TJAP1: variants seen among roughly 807,000 people sequenced by gnomAD.
TJAP1 encodes the protein tight junction-associated protein 1.
Under a neutral mutation model 42.0 loss-of-function variants are expected in TJAP1, and 27 were observed. That is an observed-to-expected ratio of 0.64 (90% CI 0.47 to 0.89). The LOEUF is 0.89. TJAP1 is among the 40% of genes least tolerant of loss of function. The probability of loss-of-function intolerance (pLI) is 0.00; values close to 1 mark genes in which losing one functional copy is unlikely to be tolerated. For synonymous variants in TJAP1, 257 were observed against 288.4 expected (o/e 0.89, Z 1.10); for missense variants, 712 against 726.9 (o/e 0.98, Z 0.24).
At chr6:43,501,220 A>G in intron 5 of TJAP1, 1 of 405,634 alleles carries the variant, frequency 2.5e-6, no homozygotes. Context: ...CTGTAACCAG[A>G]GACAGGCTGG....
chr6:43,494,495 C>A (rs1407385602), intron 2 of TJAP1, among the ~76,000 whole-genome samples: 1 of 151,668 alleles, frequency 6.6e-6, no homozygotes, highest in East Asian at 1.9e-4. Context: ...TAACCTAGGC[C>A]TCAACCTTTC....
intron 4 of TJAP1, chr6:43,500,510 T>G: frequency 1.8e-6 from 1 of 559,538 alleles, no homozygotes; most frequent in Non-Finnish European, 3.2e-6. Context: ...AGGATTGGAT[T>G]AAGGGTGAAG....
Position 43,505,079 on chromosome 6 carries a change from TC to T in TJAP1, c.902del (p.Pro301ArgfsTer13). ...CCACTCTCTGGGTACTGCCAGGGGC[TC>T]CCCGGAGGAAGAGCTGCCCCTGCCA... On this transcript the variant is annotated frameshift_variant, in exon 11 of 11. Transcript: ENST00000372449. LOFTEE classifies it high-confidence loss of function. This position sits in a 1 kb window ranked among gnomAD's most constrained non-coding sequence, Gnocchi z 5.5. 1 of 1,613,718 alleles carries T rather than the reference TC, an allele frequency of 6.2e-7. No homozygotes were observed. Among genetic ancestry groups the T allele is most frequent in the Non-Finnish European group, 8.5e-7 (1 of 1,179,956 alleles).
intron 4 of TJAP1, 120 bp downstream of exon 4, chr6:43,499,220 G>A (rs1255142812): frequency 1.4e-6 from 2 of 1,475,982 alleles, no homozygotes; most frequent in Non-Finnish European, 1.8e-6. Flanking sequence ...GGGCCTTGCT[G>A]TTGCAGGCCT....
chr6:43,487,224 A>G (rs9462897), intron 2 of TJAP1, among the ~76,000 whole-genome samples: 12,821 of 152,202 alleles, frequency 0.084, 1,156 homozygotes, highest in African/African-American at 0.22. Context: ...GGGGAACTCA[A>G]TACCATCCCT....
rs560821956 is a variant in TJAP1 at position 43,481,893 on chromosome 6, C to G, written c.-122+3661C>G. Among the ~76,000 whole-genome samples the G allele has an allele frequency of 2.6e-5, 4 of 152,322 alleles. No individual in the cohort carries two copies. The South Asian group carries it at 8.3e-4, about 32-fold the overall frequency. Reference sequence around the variant, plus strand: ...TTTCTTCAACAAATGACTCTCTACCCTGCCATTGAAGTAGGCATGTGTCTG... The same window carrying G: ...TTTCTTCAACAAATGACTCTCTACCGTGCCATTGAAGTAGGCATGTGTCTG... On this transcript the variant is annotated intron_variant, in intron 2 of 10. Coordinates refer to ENST00000372449, the Ensembl canonical transcript of TJAP1.
At chr6:43,486,066 G>T (rs981937254) in intron 2 of TJAP1, among the ~76,000 whole-genome samples, 1 of 151,770 alleles carries the variant, frequency 6.6e-6, no homozygotes, top group African/African-American at 2.4e-5. Flanking sequence ...CCGCCTCCTG[G>T]GTTCAAGCAA....
rs70990192 is a variant in TJAP1, at chr6:43,501,707, GACACACACAC to G, written c.290+63_290+72del. ...CCGCAGGTGTGGGAATGAGGGGCCA[GACACACACAC>G]ACACACACACACACACACACACACA... On this transcript the variant is annotated intron_variant, in intron 6 of 10. Transcript: ENST00000372449. 48,061 of 567,468 alleles carry G rather than the reference GACACACACAC, an allele frequency of 0.085. 614 individuals carry two copies. The highest frequency in any genetic ancestry group is 0.1 in the Non-Finnish European group (33,449 of 319,174). 35.2% of individuals were successfully genotyped at this position (567,468 alleles called of 1,614,324 possible).
chr6:43,486,354 C>CT (rs1160469279), intron 2 of TJAP1, among the ~76,000 whole-genome samples: 1,374 of 110,718 alleles, frequency 0.012, 17 homozygotes, highest in Middle Eastern at 0.02. Flanking sequence ...TTTCCAGTAG[C>CT]TTTTTTTTTT....
intron 2 of TJAP1, among the ~76,000 whole-genome samples, chr6:43,485,724 A>G (rs1489729678): frequency 2.0e-5 from 3 of 152,228 alleles, no homozygotes; most frequent in South Asian, 2.1e-4. Flanking sequence ...TTTAGGCACT[A>G]TAGAGTAAGT....
chr6:43,502,578 C>T lies in TJAP1; in HGVS notation c.358-10C>T, dbSNP rs1457537956. 3 of 1,551,664 alleles carry T rather than the reference C, an allele frequency of 1.9e-6. No homozygotes were observed. Among genetic ancestry groups the T allele is most frequent in the Non-Finnish European group, 2.6e-6 (3 of 1,147,030 alleles). ...ATGCTGCCACCGTTGCTGCTGCACT[C>T]TCCTCTCAGGCCTCTCTTAGCCACA... On this transcript the variant is annotated splice_polypyrimidine_tract_variant and intron_variant, in intron 7 of 10. Transcript: ENST00000372449.
At chr6:43,487,742 C>T (rs1482701316) in intron 2 of TJAP1, among the ~76,000 whole-genome samples, 1 of 152,090 alleles carries the variant, frequency 6.6e-6, no homozygotes, top group Non-Finnish European at 1.5e-5. Context: ...AAAATGCTAA[C>T]CATACAGAAA....
chr6:43,503,755 T>C (rs1055598547), intron 10 of TJAP1, 49 bp downstream of exon 10: 1 of 1,527,274 alleles, frequency 6.5e-7, no homozygotes, highest in African/African-American at 1.4e-5. Context: ...TTCCGGCCAC[T>C]GTAGGACTCC....
chr6:43,488,844 T>C (rs889843626), intron 2 of TJAP1, among the ~76,000 whole-genome samples: 5 of 152,206 alleles, frequency 3.3e-5, no homozygotes, highest in African/African-American at 1.2e-4. Flanking sequence ...TCTTGGGCTG[T>C]AGTCAGAGCA....
chr6:43,479,285 C>T (rs1211198207), intron 2 of TJAP1, among the ~76,000 whole-genome samples: 1 of 152,198 alleles, frequency 6.6e-6, no homozygotes, highest in Non-Finnish European at 1.5e-5. Context: ...CCTGTCCCCC[C>T]AATCAAAGGC....
At chr6:43,501,666 A>G (rs751147071) in exon 6 of TJAP1, 10 of 1,359,864 alleles carry the variant, frequency 7.4e-6, no homozygotes, top group Non-Finnish European at 1.1e-5. Context: ...GAGCTGGACA[A>G]ATTTAAGGAT....
intron 2 of TJAP1, among the ~76,000 whole-genome samples, chr6:43,488,698 G>T (rs1250214608): frequency 6.6e-6 from 1 of 152,164 alleles, no homozygotes; most frequent in Non-Finnish European, 1.5e-5. Flanking sequence ...TTTTCTTGTG[G>T]GTGAGGATTC....
At chr6:43,501,891 C>CA (rs1790766427) in intron 6 of TJAP1, among the ~76,000 whole-genome samples, 1 of 39,074 alleles carries the variant, frequency 2.6e-5, no homozygotes, top group Non-Finnish European at 4.8e-5. Flanking sequence ...GAATGCGGGG[C>CA]CACACACACA....
At position 43,505,366 on chromosome 6, in the gene TJAP1, A is replaced by T; in HGVS notation, c.1185A>T (p.Leu395=). The change falls in exon 11 of 11, where the codon CTA becomes CTT. Residue 395 remains leucine (L), a synonymous_variant. Transcript: ENST00000372449. This position sits in a 1 kb window ranked among gnomAD's most constrained non-coding sequence, Gnocchi z 5.5. Reference sequence around the variant, plus strand: ...ACCACCAGCCCAGCCCAGCACCCCTAACACTCAGTGCCCCAGCTAGCTCTG... The same window carrying T: ...ACCACCAGCCCAGCCCAGCACCCCTTACACTCAGTGCCCCAGCTAGCTCTG... 6.2e-7 allele frequency: 1 copy of T among 1,609,410 alleles called. No homozygotes were observed. Among genetic ancestry groups the T allele is most frequent in the Non-Finnish European group, 8.5e-7 (1 of 1,179,500 alleles).
Sources: allele counts gnomAD v4.1 joint callset (sites outside exome capture counted in the v4.1 genomes callset), GRCh38; gene constraint gnomAD v4.1.1; non-coding constraint Gnocchi (gnomAD v3.1); transcripts MANE v1.5; gene names NCBI Gene and HGNC (gene_info 2026-07-23, HGNC 2026-07-21).